Variants in AKT3 observed in about 807,000 individuals in gnomAD.
The protein encoded by AKT3 is AKT serine/threonine kinase 3, also known as RAC-gamma serine/threonine-protein kinase.
In AKT3, 15 loss-of-function variants were observed where a neutral mutation model predicts 65.3. The observed-to-expected ratio is 0.23, with a 90% CI of 0.15 to 0.35. The LOEUF (loss-of-function observed/expected upper bound fraction) is 0.35. Among genes scored for constraint, AKT3 ranks in the 10% least tolerant of loss-of-function variants. The pLI is 1.00. For synonymous variants in AKT3, 206 were observed against 183.8 expected, an observed-to-expected ratio of 1.12 and a Z score of -0.98; for missense variants, 243 against 576.5, an observed-to-expected ratio of 0.42 and a Z score of 5.92.
Position 243,503,282 on chromosome 1 carries a change from G to A in AKT3, c.*1967C>T, listed in dbSNP as rs1669445786. The A allele has an allele frequency of 4.3e-6, 1 of 233,550 alleles. No individual in the cohort carries two copies. The highest frequency in any genetic ancestry group is 8.5e-6 in the Non-Finnish European group (1 of 118,042). 14.5% of individuals were successfully genotyped at this position (233,550 alleles called of 1,614,324 possible). A position where few individuals can be genotyped will look rare whatever the true frequency, so the allele number is the denominator to read the frequency against. On this transcript the variant is annotated 3_prime_UTR_variant, in exon 14 of 14. Transcript: ENST00000673466. ...CCCTTTAACCCCCGTCAGTCCCAGT[G>A]GCCCACCCACTGCCAGCAGTGGTTT... is the stretch of plus-strand genomic sequence containing the variant.
At chr1:243,699,491 A>AATCT (rs1558733414) in intron 2 of AKT3, among the ~76,000 whole-genome samples, 3 of 117,114 alleles carry the variant, frequency 2.6e-5, no homozygotes, top group African/African-American at 4.4e-5. Context: ...ATATATATAT[A>AATCT]TATATATATA....
At chr1:243,756,069 G>C (rs1689120148) in intron 2 of AKT3, among the ~76,000 whole-genome samples, 1 of 152,174 alleles carries the variant, frequency 6.6e-6, no homozygotes, top group Admixed American at 6.5e-5. Flanking sequence ...TTTCTCACTG[G>C]AAGTTACAAA....
intron 2 of AKT3, among the ~76,000 whole-genome samples, chr1:243,717,953 T>G (rs1291945371): frequency 6.7e-6 from 1 of 148,456 alleles, no homozygotes; most frequent in African/African-American, 2.4e-5. Flanking sequence ...TTAAAATAAA[T>G]TATAAGTTAG....
intron 6 of AKT3, among the ~76,000 whole-genome samples, chr1:243,617,426 C>A (rs1678413629): frequency 6.6e-6 from 1 of 151,630 alleles, no homozygotes; most frequent in African/African-American, 2.4e-5. Context: ...AAAAAAAAAA[C>A]TGCTGATGTG....
intron 2 of AKT3, among the ~76,000 whole-genome samples, chr1:243,709,651 T>C (rs1686024036): frequency 6.6e-6 from 1 of 151,896 alleles, no homozygotes; most frequent in South Asian, 2.1e-4. Flanking sequence ...AATCAAAAGG[T>C]AAAAGGAACT....
At chr1:243,807,938 T>G (rs995889422) in intron 2 of AKT3, among the ~76,000 whole-genome samples, 2 of 152,168 alleles carry the variant, frequency 1.3e-5, no homozygotes, top group South Asian at 4.1e-4. Context: ...GAAGTGGACC[T>G]CCAGCAAACT....
Position 243,705,081 on chromosome 1 carries a change from G to A in AKT3, c.47-9365C>T, listed in dbSNP as rs1016298735. ...TGCTTTGCCACATATGTTCCCTCAT[G>A]ATTATTTTGAAAAGTATATTATAGT... On this transcript the variant is annotated intron_variant, in intron 2 of 13. Transcript: ENST00000673466. 5.9e-5 allele frequency among the ~76,000 whole-genome samples: 9 copies of A among 152,256 alleles called. No homozygotes were observed. The South Asian group carries it at 8.3e-4, about 14-fold the overall frequency.
chr1:243,512,277 G>C (rs1217427159), intron 13 of AKT3, 47 bp downstream of exon 13: 1 of 1,062,058 alleles, frequency 9.4e-7, no homozygotes, highest in African/African-American at 1.6e-5. Flanking sequence ...ATTACATTAG[G>C]AGAAATTATA....
chr1:243,581,587 G>GA (rs1379935541), intron 8 of AKT3, among the ~76,000 whole-genome samples: 2 of 151,902 alleles, frequency 1.3e-5, no homozygotes, highest in East Asian at 3.9e-4. Flanking sequence ...GAAAAAGAAA[G>GA]AAAAAATCCT....
At chr1:243,594,786 C>A (rs962505473) in intron 8 of AKT3, among the ~76,000 whole-genome samples, 1 of 152,050 alleles carries the variant, frequency 6.6e-6, no homozygotes, top group African/African-American at 2.4e-5. Flanking sequence ...TGCTGTGTTG[C>A]CCAGGCTGGT....
At chr1:243,506,262 C>T (rs1226768593) in intron 13 of AKT3, among the ~76,000 whole-genome samples, 1 of 152,240 alleles carries the variant, frequency 6.6e-6, no homozygotes, top group African/African-American at 2.4e-5. Flanking sequence ...TTAAATCCCC[C>T]GTGCTTGCCT....
chr1:243,755,390 T>C (rs1056655671), intron 2 of AKT3, among the ~76,000 whole-genome samples: 30 of 152,142 alleles, frequency 2.0e-4, no homozygotes, highest in African/African-American at 6.7e-4. Flanking sequence ...TTAATTCTTA[T>C]ACTGGCTCCT....
chr1:243,794,921 T>TA (rs1286475654), intron 2 of AKT3, among the ~76,000 whole-genome samples: 1 of 152,236 alleles, frequency 6.6e-6, no homozygotes, highest in Non-Finnish European at 1.5e-5. Context: ...TTCCAATATT[T>TA]AGTTGACGTT....
intron 2 of AKT3, among the ~76,000 whole-genome samples, chr1:243,736,114 C>T (rs1014591448): frequency 6.6e-6 from 1 of 152,072 alleles, no homozygotes; most frequent in Non-Finnish European, 1.5e-5. Flanking sequence ...GCTTTGTAGT[C>T]AAATACATGG....
At chr1:243,496,933 G>A (rs537492425), downstream of AKT3, among the ~76,000 whole-genome samples, 3 of 152,376 alleles carry the variant, frequency 2.0e-5, no homozygotes, top group East Asian at 3.9e-4. Context: ...CACGGCAGGG[G>A]AGCAGTGGCC....
chr1:243,512,238 G>T (rs556870429), intron 13 of AKT3, 86 bp downstream of exon 13: 1 of 673,944 alleles, frequency 1.5e-6, no homozygotes. Context: ...GAAAATATCA[G>T]ATGAGTTTTT....
chr1:243,786,072 G>C (rs954640058), intron 2 of AKT3, among the ~76,000 whole-genome samples: 2 of 152,160 alleles, frequency 1.3e-5, no homozygotes, highest in Non-Finnish European at 1.5e-5. Flanking sequence ...AGAACAGTTA[G>C]GATTTTTTCT....
intron 11 of AKT3, among the ~76,000 whole-genome samples, chr1:243,547,829 C>A (rs773769462): frequency 4.0e-4 from 61 of 152,174 alleles, no homozygotes; most frequent in Admixed American, 4.0e-3. Flanking sequence ...ATAATTCCCA[C>A]CAGCTGGGTC....
intron 4 of AKT3, among the ~76,000 whole-genome samples, chr1:243,651,558 G>A (rs1681332690): frequency 6.6e-6 from 1 of 152,250 alleles, no homozygotes; most frequent in Non-Finnish European, 1.5e-5. Flanking sequence ...ATTATTTTGA[G>A]ATACATTCCA....
Sources: gnomAD v4.1 joint callset for allele counts (sites outside exome capture counted in the v4.1 genomes callset) on GRCh38, gnomAD v4.1.1 for gene constraint, MANE v1.5 for transcripts, NCBI Gene and HGNC (gene_info 2026-07-23, HGNC 2026-07-21) for gene names.